Variants in DCDC1 observed in about 807,000 individuals in gnomAD.
DCDC1 encodes the protein doublecortin domain-containing protein 1.
A neutral mutation model predicts 178.3 loss-of-function variants in DCDC1; 200 were observed. That is an observed-to-expected ratio of 1.12 (90% CI 1.00 to 1.26). DCDC1 has a LOEUF of 1.26. Among genes scored for constraint, DCDC1 ranks in the 50% most tolerant of loss-of-function variants. The pLI, the probability that DCDC1 is intolerant of heterozygous loss-of-function variation, is 0.00. For missense variants in DCDC1, 1,983 were observed against 1,749.2 expected (o/e 1.13, Z -2.38); for synonymous variants, 690 against 604.8 (o/e 1.14, Z -2.07).
At chr11:31,028,882 A>G (rs1953434424) in intron 20 of DCDC1, among the ~76,000 whole-genome samples, 1 of 151,792 alleles carries the variant, frequency 6.6e-6, no homozygotes, top group Non-Finnish European at 1.5e-5. Flanking sequence ...TTAACATTAA[A>G]GAGTATATTT....
At position 30,905,089 on chromosome 11, in the gene DCDC1, T is replaced by C. The variant is rs773841008; in HGVS notation, c.4180A>G (p.Thr1394Ala). The C allele has an allele frequency of 6.2e-7, 1 of 1,613,734 alleles. No individual in the cohort carries two copies. The highest frequency in any genetic ancestry group is 8.5e-7 in the Non-Finnish European group (1 of 1,179,738). ...CTGTGAGATGCAGCTTGCGTGCAGG[T>C]CTTCATCCGTAAAGACAATAGACGT... ...QARLLSLRMK[T>A]CTQAASHSGM... The change falls in exon 31 of 39, where the codon ACC (threonine) becomes GCC (alanine). Residue 1394 changes from threonine (T) to alanine (A), a missense_variant. Physicochemically the swap from Thr to Ala is moderately conservative, Grantham distance 58. Transcript: ENST00000684477.
intron 9 of DCDC1, among the ~76,000 whole-genome samples, chr11:31,185,217 C>T (rs1180168085): frequency 6.6e-6 from 1 of 152,132 alleles, no homozygotes; most frequent in Non-Finnish European, 1.5e-5. Flanking sequence ...AATGAGAACA[C>T]AGGGACACAG....
chr11:30,994,381 T>C (rs1951138031), intron 20 of DCDC1, among the ~76,000 whole-genome samples: 1 of 151,764 alleles, frequency 6.6e-6, no homozygotes, highest in Non-Finnish European at 1.5e-5. Flanking sequence ...AACCTCTGCC[T>C]CCCAGGTTCA....
chr11:31,212,465 A>G (rs1000352843), intron 9 of DCDC1, among the ~76,000 whole-genome samples: 2 of 152,174 alleles, frequency 1.3e-5, no homozygotes, highest in African/African-American at 4.8e-5. Context: ...CACACCCCAT[A>G]AGGAATGCTT....
At chr11:31,133,675 A>G (rs1470810260) in intron 10 of DCDC1, among the ~76,000 whole-genome samples, 2 of 152,126 alleles carry the variant, frequency 1.3e-5, no homozygotes, top group East Asian at 1.9e-4. Flanking sequence ...CACTTCAAAT[A>G]CTACCAAATT....
intron 20 of DCDC1, among the ~76,000 whole-genome samples, chr11:30,988,081 T>C (rs290069): frequency 0.023 from 3,496 of 152,132 alleles, 147 homozygotes; most frequent in African/African-American, 0.081. Context: ...GATAAGAAGT[T>C]CAGATTCTAT....
At chr11:30,937,544 G>A (rs550578189) in intron 21 of DCDC1, among the ~76,000 whole-genome samples, 5 of 152,152 alleles carry the variant, frequency 3.3e-5, no homozygotes, top group Admixed American at 1.3e-4. Context: ...TCCCTGTGTC[G>A]AAATCTATCA....
Position 31,221,467 on chromosome 11 carries a change from T to C in DCDC1, c.1221+19983A>G, listed in dbSNP as rs138233052. Among the ~76,000 whole-genome samples the C allele has an allele frequency of 3.7e-4, 56 of 152,356 alleles. No homozygotes were observed. The East Asian group carries it at 0.01, about 28-fold the overall frequency. On this transcript the variant is annotated intron_variant, in intron 9 of 38. Coordinates refer to ENST00000684477, the MANE Select transcript of DCDC1 (RefSeq NM_001387274.1). ...AATAATCTTCTTTGATTCAATACTC[T>C]GCCTTCCAGGCCCACTGGGGTGGTA...
At chr11:31,048,719 T>A (rs1460409449) in intron 20 of DCDC1, among the ~76,000 whole-genome samples, 1 of 151,832 alleles carries the variant, frequency 6.6e-6, no homozygotes, top group Non-Finnish European at 1.5e-5. Flanking sequence ...TAGCCAGACG[T>A]GGTGGCAGGC....
chr11:30,995,882 C>T (rs111261901), intron 20 of DCDC1, among the ~76,000 whole-genome samples: 6,263 of 152,102 alleles, frequency 0.041, 404 homozygotes, highest in African/African-American at 0.14. Flanking sequence ...CCCAAAGGCA[C>T]AATCAGCACG....
intron 9 of DCDC1, 29 bp from the exon 10 acceptor site, chr11:31,137,813 G>T: frequency 1.4e-6 from 1 of 699,258 alleles, no homozygotes. Flanking sequence ...CAGCATGAAA[G>T]CAGGTATCTA....
At chr11:30,896,629 A>G (rs564863237) in intron 34 of DCDC1, among the ~76,000 whole-genome samples, 1 of 152,318 alleles carries the variant, frequency 6.6e-6, no homozygotes, top group African/African-American at 2.4e-5. Flanking sequence ...TTGCCTTTAC[A>G]TGTAACACTG....
At chr11:31,035,390 G>C (rs1489636454) in intron 20 of DCDC1, among the ~76,000 whole-genome samples, 1 of 152,168 alleles carries the variant, frequency 6.6e-6, no homozygotes, top group African/African-American at 2.4e-5. Context: ...CGTCTCCTTA[G>C]TCTCCTCTGA....
At chr11:30,925,639 T>C (rs2134274339) in intron 22 of DCDC1, among the ~76,000 whole-genome samples, 1 of 152,210 alleles carries the variant, frequency 6.6e-6, no homozygotes. Flanking sequence ...TTTCTTACCT[T>C]CCAGGGTTTC....
intron 10 of DCDC1, among the ~76,000 whole-genome samples, chr11:31,136,555 T>TACCAAA (rs1963157429): frequency 6.6e-6 from 1 of 152,042 alleles, no homozygotes; most frequent in Non-Finnish European, 1.5e-5. Flanking sequence ...TAATAAGAAA[T>TACCAAA]ACCAAAACCC....
At chr11:31,157,366 A>AG (rs530324583) in intron 9 of DCDC1, among the ~76,000 whole-genome samples, 1 of 96,758 alleles carries the variant, frequency 1.0e-5, no homozygotes, top group Non-Finnish European at 2.3e-5. Flanking sequence ...AAAAAAAAAA[A>AG]AAAAAAATAT....
intron 9 of DCDC1, among the ~76,000 whole-genome samples, chr11:31,189,477 C>T (rs1446390245): frequency 6.6e-6 from 1 of 152,166 alleles, no homozygotes; most frequent in Non-Finnish European, 1.5e-5. Context: ...TCTTCTATGG[C>T]TGCTGTAACA....
intron 36 of DCDC1, among the ~76,000 whole-genome samples, chr11:30,889,116 T>C (rs1343041286): frequency 1.3e-5 from 2 of 152,186 alleles, no homozygotes; most frequent in African/African-American, 4.8e-5. Flanking sequence ...AGAGAGCTGC[T>C]GCAGGAATGG....
chr11:31,126,411 T>C (rs1164648879), intron 11 of DCDC1, among the ~76,000 whole-genome samples: 3 of 152,208 alleles, frequency 2.0e-5, no homozygotes, highest in Non-Finnish European at 4.4e-5. Context: ...AAATAAATTA[T>C]CATGTTTAAC....
Sources: allele counts gnomAD v4.1 joint callset (sites outside exome capture counted in the v4.1 genomes callset), GRCh38; gene constraint gnomAD v4.1.1; transcripts MANE v1.5; gene names NCBI Gene and HGNC (gene_info 2026-07-23, HGNC 2026-07-21).